Variants in PLEKHA5 observed in about 807,000 individuals in gnomAD.
The protein encoded by PLEKHA5 is pleckstrin homology domain-containing family A member 5.
A neutral mutation model predicts 181.9 loss-of-function variants in PLEKHA5; 55 were observed. The ratio of observed to expected loss-of-function variants is 0.30; its 90% CI spans 0.24 to 0.38. The LOEUF is 0.38. Ranked by LOEUF, PLEKHA5 falls within the 10% of genes least tolerant of loss-of-function variation. The pLI, the probability that PLEKHA5 is intolerant of heterozygous loss-of-function variation, is 1.00. For missense variants in PLEKHA5, 1,432 were observed against 1,549.5 expected (o/e 0.92, Z 1.27); for synonymous variants, 535 against 529.4 (o/e 1.01, Z -0.15).
rs1190008232 is a variant in PLEKHA5, at chr12:19,322,345, G to A, written c.2253G>A (p.Val751=). ...KLSRLCEQDK[V]VHALEEKLQQ... Reference sequence around the variant, plus strand: ...GCCGATTATGTGAACAAGATAAAGTGGTGCATGCTCTGGAAGAGAAACTTC... The same window carrying A: ...GCCGATTATGTGAACAAGATAAAGTAGTGCATGCTCTGGAAGAGAAACTTC... The change falls in exon 19 of 32, where the codon GTG becomes GTA. Residue 751 remains valine, a synonymous_variant. Transcript: ENST00000429027. The A allele has an allele frequency of 1.9e-6, 3 of 1,613,444 alleles. No homozygotes were observed. The highest frequency in any genetic ancestry group is 1.3e-5 in the African/African-American group (1 of 75,048).
intron 15 of PLEKHA5, among the ~76,000 whole-genome samples, chr12:19,293,517 A>G (rs1231882754): frequency 6.6e-6 from 1 of 152,172 alleles, no homozygotes; most frequent in South Asian, 2.1e-4. Flanking sequence ...TCAAAATTCT[A>G]CACTGCCAGA....
At chr12:19,233,198 C>T (rs2060899232) in intron 3 of PLEKHA5, among the ~76,000 whole-genome samples, 1 of 151,886 alleles carries the variant, frequency 6.6e-6, no homozygotes, top group African/African-American at 2.4e-5. Flanking sequence ...ATGTGCTATA[C>T]CAAAATAAAT....
intron 21 of PLEKHA5, among the ~76,000 whole-genome samples, chr12:19,341,117 C>CA (rs1175189269): frequency 1.3e-5 from 2 of 151,800 alleles, no homozygotes; most frequent in African/African-American, 2.4e-5. Flanking sequence ...TACTAAAATA[C>CA]AAAAAAAGAG....
Position 19,353,024 on chromosome 12 carries a change from G to C in PLEKHA5, c.3020-860G>C, listed in dbSNP as rs562851505. On this transcript the variant is annotated intron_variant, in intron 25 of 31. Transcript: ENST00000429027. Reference sequence around the variant, plus strand: ...GCTGGTCTGAAAATCCTGAGCTCAAGTGATCATCCCGCCTCAGCCTCCCAA... The same window carrying C: ...GCTGGTCTGAAAATCCTGAGCTCAACTGATCATCCCGCCTCAGCCTCCCAA... Among the ~76,000 whole-genome samples, 22 of 151,294 alleles carry C rather than the reference G, an allele frequency of 1.5e-4. No homozygotes were observed. In the East Asian group the frequency reaches 4.3e-3, roughly 29 times the overall value.
At chr12:19,197,971 TCCTC>T in intron 3 of PLEKHA5, among the ~76,000 whole-genome samples, 1 of 151,914 alleles carries the variant, frequency 6.6e-6, no homozygotes, top group African/African-American at 2.4e-5. Flanking sequence ...TGTTGACACT[TCCTC>T]CCCTCCAAAA....
chr12:19,336,118 G>GT (rs2093409652), intron 20 of PLEKHA5, among the ~76,000 whole-genome samples: 1 of 152,094 alleles, frequency 6.6e-6, no homozygotes, highest in Non-Finnish European at 1.5e-5. Context: ...TCACTGAATT[G>GT]TTTAAATAGC....
intron 20 of PLEKHA5, among the ~76,000 whole-genome samples, chr12:19,324,225 C>T (rs961162705): frequency 2.0e-5 from 3 of 152,106 alleles, no homozygotes; most frequent in Admixed American, 1.3e-4. Flanking sequence ...GAATTCCAAA[C>T]GTGAGCCATT....
intron 3 of PLEKHA5, among the ~76,000 whole-genome samples, chr12:19,160,766 A>G (rs1401635386): frequency 6.6e-6 from 1 of 152,082 alleles, no homozygotes; most frequent in Non-Finnish European, 1.5e-5. Flanking sequence ...TTTTTATATA[A>G]TAATAAACAG....
At chr12:19,187,189 C>A (rs943986960) in intron 3 of PLEKHA5, among the ~76,000 whole-genome samples, 1 of 152,180 alleles carries the variant, frequency 6.6e-6, no homozygotes, top group Non-Finnish European at 1.5e-5. Context: ...ATGTCTAGAT[C>A]TGACTTTTTG....
intron 3 of PLEKHA5, among the ~76,000 whole-genome samples, chr12:19,210,053 G>T (rs559376677): frequency 6.6e-6 from 1 of 152,224 alleles, no homozygotes; most frequent in African/African-American, 2.4e-5. Flanking sequence ...ATCTTTAACG[G>T]ATGTCCATTT....
At chr12:19,279,898 G>A (rs2075626491) in intron 11 of PLEKHA5, among the ~76,000 whole-genome samples, 1 of 151,812 alleles carries the variant, frequency 6.6e-6, no homozygotes, top group African/African-American at 2.4e-5. Flanking sequence ...CAAAGAGAAG[G>A]TATATTTAAC....
At chr12:19,200,658 A>C (rs2053982445) in intron 3 of PLEKHA5, 1 of 1,062,064 alleles carries the variant, frequency 9.4e-7, no homozygotes, top group East Asian at 6.4e-5. Flanking sequence ...CTGTATCTTC[A>C]TTCATTTTTC....
chr12:19,317,515 G>A (rs945046389), intron 16 of PLEKHA5, among the ~76,000 whole-genome samples: 4 of 151,938 alleles, frequency 2.6e-5, no homozygotes, highest in African/African-American at 9.7e-5. Context: ...ATAGTCCTAT[G>A]AGCATTTTTT....
intron 5 of PLEKHA5, among the ~76,000 whole-genome samples, chr12:19,255,539 A>C (rs752973563): frequency 6.6e-6 from 1 of 151,880 alleles, no homozygotes; most frequent in Non-Finnish European, 1.5e-5. Context: ...TATTGTAAGG[A>C]AATAGATAAT....
At chr12:19,253,836 G>T (rs1164963881) in intron 3 of PLEKHA5, 104 bp from the exon 4 acceptor site, 15 of 793,110 alleles carry the variant, frequency 1.9e-5, no homozygotes, top group Non-Finnish European at 3.2e-5. Flanking sequence ...CAAAAAAAAA[G>T]GCTGGAAGTT....
chr12:19,167,121 C>T (rs1437188525), intron 3 of PLEKHA5, among the ~76,000 whole-genome samples: 2 of 152,076 alleles, frequency 1.3e-5, no homozygotes, highest in Non-Finnish European at 2.9e-5. Flanking sequence ...TCCCTTTTTG[C>T]AATCCATGCT....
chr12:19,319,881 A>T (rs2090156383), intron 16 of PLEKHA5, 140 bp from the exon 17 acceptor site: 1 of 513,474 alleles, frequency 1.9e-6, no homozygotes. Context: ...TAGTAACATA[A>T]ATGGAGTCAA....
intron 3 of PLEKHA5, among the ~76,000 whole-genome samples, chr12:19,183,832 G>GC (rs1207471978): frequency 1.3e-5 from 2 of 152,110 alleles, no homozygotes; most frequent in African/African-American, 2.4e-5. Flanking sequence ...TCCTGCCTCA[G>GC]CCTCCCGAGT....
Position 19,376,213 on chromosome 12 carries a change from G to A in PLEKHA5, c.*694G>A, listed in dbSNP as rs1182694767. On this transcript the variant is annotated 3_prime_UTR_variant, in exon 32 of 32. Coordinates refer to ENST00000429027, the MANE Select transcript of PLEKHA5 (RefSeq NM_001256470.2). Reference sequence around the variant, plus strand: ...GGGCTTATATTTCATTGGAATACATGTGTACAGCAATAAGCAGGTTTCCAA... The same window carrying A: ...GGGCTTATATTTCATTGGAATACATATGTACAGCAATAAGCAGGTTTCCAA... 1 of 151,694 alleles carries A rather than the reference G, an allele frequency of 6.6e-6. No homozygotes were observed. The highest frequency in any genetic ancestry group is 2.4e-5 in the African/African-American group (1 of 41,158). The allele number at this position is 151,694 out of a possible 1,614,324, so 9.4% of individuals were successfully genotyped here.
Sources: gnomAD v4.1 joint callset for allele counts (sites outside exome capture counted in the v4.1 genomes callset) on GRCh38, gnomAD v4.1.1 for gene constraint, MANE v1.5 for transcripts, NCBI Gene and HGNC (gene_info 2026-07-23, HGNC 2026-07-21) for gene names.